PSTK: variants seen among roughly 807,000 people sequenced by gnomAD.
PSTK encodes L-seryl-tRNA(Sec) kinase.
PSTK carries 26 observed loss-of-function variants against 38.6 expected under a neutral mutation model. The observed-to-expected ratio is 0.67, with a 90% CI of 0.49 to 0.94. The LOEUF is 0.94. Ranked by LOEUF, PSTK falls within the 40% of genes least tolerant of loss-of-function variation. The probability of loss-of-function intolerance (pLI) is 0.00; values close to 1 mark genes in which losing one functional copy is unlikely to be tolerated. For synonymous variants in PSTK, 181 were observed against 161.7 expected (o/e 1.12, Z -0.91); for missense variants, 445 against 436.3 (o/e 1.02, Z -0.18).
rs148271717 is a variant in PSTK, at chr10:122,986,331, T to G, written c.739T>G (p.Leu247Val). The change falls in exon 4 of 6, where the codon TTG becomes GTG. Residue 247 changes from leucine (L) to valine (V), a missense_variant. Leu to Val is a conservative substitution (Grantham distance 32, BLOSUM62 1). Coordinates refer to ENST00000406217, the MANE Select transcript of PSTK (RefSeq NM_001363531.2). ...AGTGACTGATTTATTGCTCACTGCT[T>G]TGGAAAATCCAGTAAAATATGCTGA... is the stretch of plus-strand genomic sequence containing the variant. ...LEVTDLLLTALENPVKYAEDN... is the reference protein window; with the variant it reads ...LEVTDLLLTAVENPVKYAEDN... The G allele has an allele frequency of 9.3e-6, 15 of 1,612,176 alleles. No homozygotes were observed. The highest frequency in any genetic ancestry group is 1.2e-5 in the Non-Finnish European group (14 of 1,178,602).
At chr10:122,989,185 C>T (rs1010083457) in intron 5 of PSTK, among the ~76,000 whole-genome samples, 5 of 16,332 alleles carry the variant, frequency 3.1e-4, no homozygotes, top group Non-Finnish European at 7.4e-4. Flanking sequence ...AGATGGGGGG[C>T]GGGGGGTGGG....
In PSTK at chr10:122,980,523, C is replaced by A; in HGVS notation, c.44C>A (p.Pro15Gln). Residue 15 changes from proline to glutamine, a missense_variant, in exon 1 of 6, where the codon CCG becomes CAG. Physicochemically the swap from Pro to Gln is moderately conservative, Grantham distance 76. Transcript: ENST00000406217. This position sits in a 1 kb window ranked among gnomAD's most constrained non-coding sequence, Gnocchi z 4.3. ...ENIRGTGSDG[P>Q]RKRGLCVLCG... ...ATCAGAGGAACCGGCAGCGACGGGCCGCGGAAACGAGGCCTCTGCGTCCTC... is the reference window on the plus strand; with the variant it reads ...ATCAGAGGAACCGGCAGCGACGGGCAGCGGAAACGAGGCCTCTGCGTCCTC... 6.2e-7 allele frequency: 1 copy of A among 1,609,362 alleles called. No individual in the cohort carries two copies.
At chr10:122,986,722 G>T in intron 4 of PSTK, 147 bp from the exon 5 acceptor site, 2 of 604,708 alleles carry the variant, frequency 3.3e-6, no homozygotes, top group Non-Finnish European at 2.9e-6. Context: ...GATCTGATTT[G>T]GTTGGACTCT....
At position 122,982,694 on chromosome 10, in the gene PSTK, G is replaced by C. The variant is rs779912074; in HGVS notation, c.217-39G>C. The C allele has an allele frequency of 6.3e-6, 10 of 1,594,734 alleles. 1 individual carries two copies. Among genetic ancestry groups the C allele is most frequent in the South Asian group, 4.5e-5 (4 of 89,392 alleles). Reference sequence around the variant, plus strand: ...TGAGGCCAGATGACTGACCACCCTAGTGGCCTAATATGAATTGCAATTCTT... The same window carrying C: ...TGAGGCCAGATGACTGACCACCCTACTGGCCTAATATGAATTGCAATTCTT... On this transcript the variant is annotated intron_variant, in intron 1 of 5. Coordinates refer to ENST00000406217, the MANE Select transcript of PSTK (RefSeq NM_001363531.2).
chr10:122,990,073 A>C, intron 5 of PSTK, 101 bp from the exon 6 acceptor site: 5 of 762,424 alleles, frequency 6.6e-6, no homozygotes, highest in Non-Finnish European at 1.0e-5. Flanking sequence ...TGTTTATAGA[A>C]TCTAACTGGT....
intron 3 of PSTK, chr10:122,985,310 A>G (rs1849019321): frequency 6.6e-6 from 1 of 152,242 alleles, no homozygotes; most frequent in Non-Finnish European, 1.5e-5. Context: ...TAAAGCAAAG[A>G]ACATTAGTTG....
chr10:122,988,819 A>G (rs1849069388), intron 5 of PSTK, among the ~76,000 whole-genome samples: 1 of 152,208 alleles, frequency 6.6e-6, no homozygotes, highest in African/African-American at 2.4e-5. Context: ...CCGTTAGCAC[A>G]TGACCCAACA....
At chr10:122,987,779 A>G (rs1398183111) in intron 5 of PSTK, among the ~76,000 whole-genome samples, 3 of 152,186 alleles carry the variant, frequency 2.0e-5, no homozygotes, top group Non-Finnish European at 4.4e-5. Flanking sequence ...AGGTAGGTGT[A>G]ATTTTACAAA....
At chr10:122,983,558 C>T in intron 3 of PSTK, 88 bp downstream of exon 3, 1 of 1,129,340 alleles carries the variant, frequency 8.9e-7, no homozygotes. Context: ...AGTTAGTCCT[C>T]ACACAGGCAT....
chr10:122,989,705 C>T (rs1849098372), intron 5 of PSTK, among the ~76,000 whole-genome samples: 1 of 152,220 alleles, frequency 6.6e-6, no homozygotes, highest in African/African-American at 2.4e-5. Context: ...AGTTCAGCTT[C>T]TCAGTAACAC....
chr10:122,987,034 C>CA lies in PSTK; in HGVS notation c.877+73dup, dbSNP rs1491041885. The CA allele has an allele frequency of 5.8e-6, 6 of 1,042,656 alleles. No individual in the cohort carries two copies. The East Asian group carries it at 9.6e-5, about 17-fold the overall frequency. 64.6% of individuals were successfully genotyped at this position (1,042,656 alleles called of 1,614,324 possible). ...TACTGCTACTGTTATTCCCGACACT[C>CA]AGAGTTTATTAGTTTTCAGTCATAA... On this transcript the variant is annotated intron_variant, in intron 5 of 5. Transcript: ENST00000406217.
Position 122,980,599 on chromosome 10 carries a change from C to A in PSTK, c.120C>A (p.His40Gln). The A allele has an allele frequency of 6.2e-7, 1 of 1,612,182 alleles. No homozygotes were observed. The highest frequency in any genetic ancestry group is 8.5e-7 in the Non-Finnish European group (1 of 1,179,598). ...CGACTTTCGCGCGCGCCCTCGCCCA[C>A]CGGCTGCAGCAGGAGCAGGGTTGGG... ...GKSTFARALA[H>Q]RLQQEQGWAI... The change falls in exon 1 of 6, where the codon CAC becomes CAA. Residue 40 changes from histidine to glutamine, a missense_variant. Transcript: ENST00000406217. The surrounding 1 kb of genome is among the most constrained non-coding windows in gnomAD (Gnocchi z 4.3).
At position 122,987,023 on chromosome 10, in the gene PSTK, T is replaced by C. The variant is rs889907879; in HGVS notation, c.877+61T>C. ...TTGTGACTTTCTACTGCTACTGTTATTCCCGACACTCAGAGTTTATTAGTT... is the reference window on the plus strand; with the variant it reads ...TTGTGACTTTCTACTGCTACTGTTACTCCCGACACTCAGAGTTTATTAGTT... On this transcript the variant is annotated intron_variant, in intron 5 of 5. Coordinates refer to ENST00000406217, the MANE Select transcript of PSTK (RefSeq NM_001363531.2). 7 of 1,068,808 alleles carry C rather than the reference T, an allele frequency of 6.5e-6. No homozygotes were observed. The Admixed American group carries it at 1.3e-4, about 19-fold the overall frequency. 66.2% of individuals were successfully genotyped at this position (1,068,808 alleles called of 1,614,324 possible).
At chr10:122,982,601 G>C (rs1848975687) in intron 1 of PSTK, 132 bp from the exon 2 acceptor site, 1 of 685,436 alleles carries the variant, frequency 1.5e-6, no homozygotes, top group Admixed American at 2.7e-5. Context: ...TGTGAAACCA[G>C]GTGTGTTAGA....
intron 5 of PSTK, 28 bp downstream of exon 5, chr10:122,986,990 T>C: frequency 7.0e-7 from 1 of 1,422,572 alleles, no homozygotes; most frequent in Non-Finnish European, 9.9e-7. Flanking sequence ...TGTGTTGAGT[T>C]GGTATGATTG....
intron 4 of PSTK, 74 bp from the exon 5 acceptor site, chr10:122,986,795 C>T: frequency 2.1e-6 from 2 of 946,030 alleles, no homozygotes; most frequent in South Asian, 1.5e-5. Context: ...CTTTCAAATA[C>T]ATGTGACCTA....
Position 122,982,938 on chromosome 10 carries a change from C to G in PSTK, c.422C>G (p.Ala141Gly). ...TCTTGCTACCTCTTAACAAAAACTG[C>G]TGTTTCTAGACCTTTGTTTTTGGTT... Reference protein sequence around the residue: ...AQSCYLLTKTAVSRPLFLVLD... With the variant: ...AQSCYLLTKTGVSRPLFLVLD... The change falls in exon 2 of 6, where the codon GCT (alanine) becomes GGT (glycine). Residue 141 changes from alanine to glycine, a missense_variant. By Grantham distance (60) the Ala-to-Gly change is moderately conservative. Transcript: ENST00000406217. The G allele has an allele frequency of 6.2e-7, 1 of 1,614,056 alleles. No homozygotes were observed. Among genetic ancestry groups the G allele is most frequent in the Non-Finnish European group, 8.5e-7 (1 of 1,179,922 alleles).
Position 122,980,722 on chromosome 10 carries a change from C to T in PSTK, c.216+27C>T, listed in dbSNP as rs1442136734. ...TCAGCACGGAGGGGCGGGGCCTGGG[C>T]CGCGGGGCGGGGCGGGGCGGGGCGG... On this transcript the variant is annotated intron_variant, in intron 1 of 5. Coordinates refer to ENST00000406217, the MANE Select transcript of PSTK (RefSeq NM_001363531.2). The surrounding 1 kb of genome is among the most constrained non-coding windows in gnomAD (Gnocchi z 4.3). 8.7e-6 allele frequency: 4 copies of T among 459,314 alleles called. No homozygotes were observed. The highest frequency in any genetic ancestry group is 1.2e-5 in the Non-Finnish European group (4 of 343,596). The allele number at this position is 459,314 out of a possible 1,614,324, so 28.5% of individuals were successfully genotyped here. A position where few individuals can be genotyped will look rare whatever the true frequency, so the allele number is the denominator to read the frequency against.
At position 122,982,771 on chromosome 10, in the gene PSTK, G is replaced by A; in HGVS notation, c.255G>A (p.Lys85=). The change falls in exon 2 of 6, where the codon AAG becomes AAA. Residue 85 remains lysine (K), a synonymous_variant. Transcript: ENST00000406217. ...AATTGCTTCGACAGGAACTGTTGAA[G>A]TACCTGGAATACTTCTTGATGGCTG... ...QWKLLRQELL[K]YLEYFLMAVI... is the part of the protein sequence containing the mutation. 1 of 1,614,236 alleles carries A rather than the reference G, an allele frequency of 6.2e-7. No individual in the cohort carries two copies. The highest frequency in any genetic ancestry group is 8.5e-7 in the Non-Finnish European group (1 of 1,180,046).
Sources: allele counts gnomAD v4.1 joint callset (sites outside exome capture counted in the v4.1 genomes callset), GRCh38; gene constraint gnomAD v4.1.1; non-coding constraint Gnocchi (gnomAD v3.1); transcripts MANE v1.5; gene names NCBI Gene and HGNC (gene_info 2026-07-23, HGNC 2026-07-21).